The following CDH18 variants were observed in gnomAD, a reference collection of about 807,000 sequenced individuals.
CDH18 encodes cadherin 18.
CDH18 carries 31 observed loss-of-function variants against 67.9 expected under a neutral mutation model. That is an observed-to-expected ratio of 0.46 (90% CI 0.34 to 0.62). The LOEUF (loss-of-function observed/expected upper bound fraction) is 0.62, where lower values mean the gene tolerates loss of function less well. CDH18 is among the 20% of genes least tolerant of loss of function. The pLI is 0.01. For missense variants in CDH18, 890 were observed against 975.5 expected, an observed-to-expected ratio of 0.91 and a Z score of 1.17; for synonymous variants, 362 against 347.2, an observed-to-expected ratio of 1.04 and a Z score of -0.48.
intron 1 of CDH18, among the ~76,000 whole-genome samples, chr5:20,454,408 T>C (rs184884450): frequency 7.2e-5 from 11 of 152,228 alleles, no homozygotes; most frequent in Non-Finnish European, 1.6e-4. Context: ...CTATAGATAA[T>C]CTAAAATATT....
intron 2 of CDH18, among the ~76,000 whole-genome samples, chr5:19,931,352 A>G (rs1793673178): frequency 6.6e-6 from 1 of 151,922 alleles, no homozygotes; most frequent in African/African-American, 2.4e-5. Flanking sequence ...CAGTTCCTAA[A>G]TGAAATAAAA....
At chr5:20,373,147 C>A (rs1027536005) in intron 1 of CDH18, among the ~76,000 whole-genome samples, 5 of 152,208 alleles carry the variant, frequency 3.3e-5, no homozygotes, top group Non-Finnish European at 7.3e-5. Flanking sequence ...TACAAATTCA[C>A]ACTGATTATA....
chr5:19,503,680 G>A (rs1443283484), intron 10 of CDH18, among the ~76,000 whole-genome samples: 6 of 152,060 alleles, frequency 3.9e-5, no homozygotes, highest in African/African-American at 1.2e-4. Context: ...AAGACCTTCC[G>A]TGATTTATGA....
At chr5:19,761,757 G>A (rs534931598) in intron 3 of CDH18, among the ~76,000 whole-genome samples, 1 of 152,060 alleles carries the variant, frequency 6.6e-6, no homozygotes, top group South Asian at 2.1e-4. Context: ...AGTTCATATG[G>A]AACCAAAAAA....
chr5:19,734,844 T>A (rs1156489796), intron 4 of CDH18, among the ~76,000 whole-genome samples: 1 of 152,196 alleles, frequency 6.6e-6, no homozygotes, highest in Admixed American at 6.5e-5. Flanking sequence ...TGGTGTATGG[T>A]CTCTGACATG....
At chr5:19,501,980 G>A (rs1483073777) in intron 11 of CDH18, among the ~76,000 whole-genome samples, 1 of 152,144 alleles carries the variant, frequency 6.6e-6, no homozygotes, top group Non-Finnish European at 1.5e-5. Flanking sequence ...CTGACATAGG[G>A]CCACTTAAAA....
intron 2 of CDH18, among the ~76,000 whole-genome samples, chr5:20,239,699 A>G (rs2126539491): frequency 6.6e-6 from 1 of 152,312 alleles, no homozygotes; most frequent in Admixed American, 6.5e-5. Flanking sequence ...GCATGTCAAT[A>G]ATACTTTAAT....
rs146050614 is a variant in CDH18, at chr5:20,553,590, G to T, written c.-580+21872C>A. Reference sequence around the variant, plus strand: ...ACCACTTTAACCATGTTCCCAGGAAGATGGACTACAGATTAGATGTCCCAT... The same window carrying T: ...ACCACTTTAACCATGTTCCCAGGAATATGGACTACAGATTAGATGTCCCAT... On this transcript the variant is annotated intron_variant, in intron 1 of 14. Coordinates refer to the CDH18 transcript ENST00000507958. Among the ~76,000 whole-genome samples the T allele has an allele frequency of 2.9e-3, 447 of 152,292 alleles. 4 individuals are homozygous for T. Among genetic ancestry groups the T allele is most frequent in the South Asian group, 0.016 (79 of 4,828 alleles).
At chr5:19,614,300 T>G (rs1749479772) in intron 5 of CDH18, among the ~76,000 whole-genome samples, 1 of 151,764 alleles carries the variant, frequency 6.6e-6, no homozygotes, top group South Asian at 2.1e-4. Context: ...TTTCACATAT[T>G]GTGAACATAT....
chr5:20,337,210 A>G (rs1739858063), intron 1 of CDH18, among the ~76,000 whole-genome samples: 1 of 151,904 alleles, frequency 6.6e-6, no homozygotes, highest in Non-Finnish European at 1.5e-5. Flanking sequence ...ATTTTCCCCC[A>G]TTGTCTTGGT....
chr5:19,528,114 A>G (rs1403210286), intron 9 of CDH18, among the ~76,000 whole-genome samples: 1 of 151,868 alleles, frequency 6.6e-6, no homozygotes, highest in Non-Finnish European at 1.5e-5. Flanking sequence ...AAATGTCACA[A>G]TTGGCCCACT....
chr5:19,952,142 A>G (rs2150267466), intron 2 of CDH18, among the ~76,000 whole-genome samples: 2 of 152,146 alleles, frequency 1.3e-5, no homozygotes, highest in Middle Eastern at 3.4e-3. Context: ...TCCTCCTCCC[A>G]GGTTCAAGTG....
intron 2 of CDH18, among the ~76,000 whole-genome samples, chr5:20,228,817 T>C (rs914962299): frequency 1.7e-4 from 26 of 152,248 alleles, no homozygotes; most frequent in Admixed American, 6.5e-4. Context: ...TTTCTATCAA[T>C]GGATGAATGG....
At position 20,369,475 on chromosome 5, in the gene CDH18, C is replaced by T. The variant is rs143759592; in HGVS notation, c.-579-113970G>A. Among the ~76,000 whole-genome samples, 222 of 152,260 alleles carry T rather than the reference C, an allele frequency of 1.5e-3. 4 individuals are homozygous for T. In the South Asian group the frequency reaches 0.041, roughly 28 times the overall value. On this transcript the variant is annotated intron_variant, in intron 1 of 14. Coordinates refer to the CDH18 transcript ENST00000507958. ...TTTTGCCCTTTTCTCAGAAAATGCTCGCTTTCAAAGTCAAGCACCAGCTTT... is the reference window on the plus strand; with the variant it reads ...TTTTGCCCTTTTCTCAGAAAATGCTTGCTTTCAAAGTCAAGCACCAGCTTT...
chr5:20,005,751 G>A (rs1736850941), intron 2 of CDH18, among the ~76,000 whole-genome samples: 1 of 151,886 alleles, frequency 6.6e-6, no homozygotes, highest in South Asian at 2.1e-4. Context: ...TCATACAAAA[G>A]AATCATTAGG....
intron 2 of CDH18, among the ~76,000 whole-genome samples, chr5:20,095,609 A>AAGAAGAAAGAAAGAG (rs1396818670): frequency 1.8e-4 from 21 of 117,146 alleles, no homozygotes; most frequent in Non-Finnish European, 3.7e-4. Flanking sequence ...GAAAGAAAGA[A>AAGAAGAAAGAAAGAG]AAGAAAAGAA....
chr5:19,671,801 G>T (rs1758788020), intron 5 of CDH18, among the ~76,000 whole-genome samples: 1 of 152,042 alleles, frequency 6.6e-6, no homozygotes, highest in African/African-American at 2.4e-5. Context: ...TAAATGCAAA[G>T]ACCTAGAAAT....
chr5:19,546,855 T>C (rs933665046), intron 8 of CDH18, among the ~76,000 whole-genome samples: 9 of 152,188 alleles, frequency 5.9e-5, no homozygotes, highest in Non-Finnish European at 7.3e-5. Context: ...TTGTATCACT[T>C]GGAACGGTGT....
intron 1 of CDH18, among the ~76,000 whole-genome samples, chr5:20,408,044 A>C (rs1295840425): frequency 6.6e-6 from 1 of 152,072 alleles, no homozygotes; most frequent in South Asian, 2.1e-4. Context: ...ATACAAGGGA[A>C]TCTCCATAAC....
Sources: allele counts gnomAD v4.1 joint callset (sites outside exome capture counted in the v4.1 genomes callset), GRCh38; gene constraint gnomAD v4.1.1; transcripts MANE v1.5; gene names NCBI Gene and HGNC (gene_info 2026-07-23, HGNC 2026-07-21).